C10orf90: variants seen among roughly 807,000 people sequenced by gnomAD.
The protein encoded by C10orf90 is chromosome 10 open reading frame 90.
A neutral mutation model predicts 62.5 loss-of-function variants in C10orf90; 56 were observed. The ratio of observed to expected loss-of-function variants is 0.90; its 90% CI spans 0.72 to 1.12. C10orf90 has a LOEUF of 1.12. Among genes scored for constraint, C10orf90 ranks in the 50% most tolerant of loss-of-function variants. The probability of loss-of-function intolerance (pLI) is 0.00; values close to 1 mark genes in which losing one functional copy is unlikely to be tolerated. For synonymous variants in C10orf90, 386 were observed against 340.4 expected (o/e 1.13, Z -1.47); for missense variants, 970 against 880.4 (o/e 1.10, Z -1.29).
At position 126,464,999 on chromosome 10, in the gene C10orf90, C is replaced by G. The variant is rs373116712; in HGVS notation, c.1535-13G>C. Reference sequence around the variant, plus strand: ...ACTTTTGTGTGTACTAAAAATAAAACGAGAGTTGTGCTCAAAATCTCTTAT... The same window carrying G: ...ACTTTTGTGTGTACTAAAAATAAAAGGAGAGTTGTGCTCAAAATCTCTTAT... On this transcript the variant is annotated splice_polypyrimidine_tract_variant and intron_variant, in intron 4 of 9. Transcript: ENST00000488181. The G allele has an allele frequency of 1.3e-6, 2 of 1,591,348 alleles. No homozygotes were observed. Among genetic ancestry groups the G allele is most frequent in the Non-Finnish European group, 1.7e-6 (2 of 1,162,286 alleles).
At chr10:126,593,633 A>T (rs1179854022) in intron 2 of C10orf90, among the ~76,000 whole-genome samples, 2 of 152,186 alleles carry the variant, frequency 1.3e-5, no homozygotes, top group South Asian at 4.1e-4. Context: ...TCTGTGCAGC[A>T]AACCACCATG....
chr10:126,568,095 C>G (rs539302472), intron 2 of C10orf90, among the ~76,000 whole-genome samples: 1 of 152,176 alleles, frequency 6.6e-6, no homozygotes, highest in African/African-American at 2.4e-5. Context: ...GGGCAAATCT[C>G]CACAGCCAGA....
intron 2 of C10orf90, among the ~76,000 whole-genome samples, chr10:126,540,591 A>G (rs1365063131): frequency 6.6e-6 from 1 of 151,898 alleles, no homozygotes; most frequent in Non-Finnish European, 1.5e-5. Flanking sequence ...CCTGGGAGCC[A>G]GACGGTGCAG....
chr10:126,631,468 T>C (rs777220761), intron 2 of C10orf90, among the ~76,000 whole-genome samples: 51 of 152,102 alleles, frequency 3.4e-4, no homozygotes, highest in Non-Finnish European at 3.8e-4. Context: ...GAATGGCCCT[T>C]GGTTTTTGCT....
intron 6 of C10orf90, among the ~76,000 whole-genome samples, chr10:126,460,874 T>C (rs1003991566): frequency 6.6e-6 from 1 of 152,204 alleles, no homozygotes; most frequent in African/African-American, 2.4e-5. Context: ...GCCTTCCTAA[T>C]TTTTATTTCT....
chr10:126,582,403 A>G (rs7093654), intron 2 of C10orf90, among the ~76,000 whole-genome samples: 1 of 152,180 alleles, frequency 6.6e-6, no homozygotes. Flanking sequence ...CTTTTCCACA[A>G]TTGAAACCTA....
intron 7 of C10orf90, among the ~76,000 whole-genome samples, chr10:126,432,931 GC>G (rs1183294159): frequency 6.6e-6 from 1 of 152,244 alleles, no homozygotes; most frequent in East Asian, 1.9e-4. Context: ...GAGTTGGAGA[GC>G]CATGTGGAGT....
At chr10:126,488,558 T>C (rs1014127640) in intron 4 of C10orf90, among the ~76,000 whole-genome samples, 1 of 150,694 alleles carries the variant, frequency 6.6e-6, no homozygotes, top group African/African-American at 2.4e-5. Context: ...AGAAAATCAA[T>C]AAAATAAAAC....
intron 4 of C10orf90, among the ~76,000 whole-genome samples, chr10:126,480,587 G>A (rs926402176): frequency 6.6e-6 from 1 of 152,200 alleles, no homozygotes; most frequent in Admixed American, 6.5e-5. Context: ...AACATACAGC[G>A]GCCTGCCCAC....
At chr10:126,644,780 C>T (rs1008483820) in intron 2 of C10orf90, among the ~76,000 whole-genome samples, 3 of 152,208 alleles carry the variant, frequency 2.0e-5, no homozygotes, top group Admixed American at 2.0e-4. Context: ...GTTGTTCTCA[C>T]GGCCACCTCT....
intron 5 of C10orf90, among the ~76,000 whole-genome samples, chr10:126,462,254 C>T (rs1860033736): frequency 6.6e-6 from 1 of 152,086 alleles, no homozygotes; most frequent in Non-Finnish European, 1.5e-5. Flanking sequence ...TCACTCTGTC[C>T]TTAGCTCACC....
intron 1 of C10orf90, among the ~76,000 whole-genome samples, chr10:126,650,533 C>T (rs1199754682): frequency 6.6e-6 from 1 of 152,028 alleles, no homozygotes; most frequent in Non-Finnish European, 1.5e-5. Context: ...AGTAACTTGC[C>T]CAAAGTCACA....
At chr10:126,648,286 GT>G (rs1227105056) in intron 1 of C10orf90, among the ~76,000 whole-genome samples, 1 of 152,122 alleles carries the variant, frequency 6.6e-6, no homozygotes, top group African/African-American at 2.4e-5. Context: ...TAAAAGGAAT[GT>G]TTTTGAGGAT....
chr10:126,602,661 T>A (rs1171014290), intron 2 of C10orf90, among the ~76,000 whole-genome samples: 2 of 152,062 alleles, frequency 1.3e-5, no homozygotes, highest in Admixed American at 6.6e-5. Context: ...ATCTGTAAGC[T>A]CATTTGCTCT....
At chr10:126,584,639 C>T (rs2134019971) in intron 2 of C10orf90, among the ~76,000 whole-genome samples, 1 of 152,246 alleles carries the variant, frequency 6.6e-6, no homozygotes, top group Non-Finnish European at 1.5e-5. Context: ...CATGTTTTGC[C>T]CCTGTCCCTG....
Position 126,425,753 on chromosome 10 carries a change from A to G in C10orf90, c.*111T>C. ...TTTCCTTTATGGAAAAAAAAAATCG[A>G]AAGTAAAATAAGTGTTTTCCCATGA... On this transcript the variant is annotated 3_prime_UTR_variant, in exon 10 of 10. Coordinates refer to ENST00000488181, the MANE Select transcript of C10orf90 (RefSeq NM_001350921.2). 2 of 1,169,698 alleles carry G rather than the reference A, an allele frequency of 1.7e-6. No individual in the cohort carries two copies. The highest frequency in any genetic ancestry group is 2.4e-6 in the Non-Finnish European group (2 of 843,148). 72.5% of individuals were successfully genotyped at this position (1,169,698 alleles called of 1,614,324 possible). A position where few individuals can be genotyped will look rare whatever the true frequency, so the allele number is the denominator to read the frequency against.
rs1860650125 is a variant in C10orf90 at position 126,472,821 on chromosome 10, CAT to C, written c.1535-7837_1535-7836del. On this transcript the variant is annotated intron_variant, in intron 4 of 9. Coordinates refer to ENST00000488181, the MANE Select transcript of C10orf90 (RefSeq NM_001350921.2). ...GGACATGTACGTGCACGCAAGCATG[CAT>C]GTGTGTGTGTGTGTCTGCGTGTGTG... 2.6e-5 allele frequency among the ~76,000 whole-genome samples: 4 copies of C among 152,172 alleles called. No homozygotes were observed. In the South Asian group the frequency reaches 6.2e-4, roughly 24 times the overall value.
intron 7 of C10orf90, among the ~76,000 whole-genome samples, chr10:126,431,364 C>A (rs1158646335): frequency 6.6e-6 from 1 of 152,142 alleles, no homozygotes; most frequent in East Asian, 1.9e-4. Flanking sequence ...TTCCCTAGAG[C>A]AATTTGTAAG....
intron 1 of C10orf90, among the ~76,000 whole-genome samples, chr10:126,658,955 G>A (rs140546388): frequency 3.0e-4 from 46 of 152,324 alleles, no homozygotes; most frequent in African/African-American, 9.6e-4. Context: ...CCAGATTGCA[G>A]AGGCTGAACC....
Sources: gnomAD v4.1 joint callset for allele counts (sites outside exome capture counted in the v4.1 genomes callset) on GRCh38, gnomAD v4.1.1 for gene constraint, MANE v1.5 for transcripts, NCBI Gene and HGNC (gene_info 2026-07-23, HGNC 2026-07-21) for gene names.